The following TAFA2 variants were observed in gnomAD, a reference collection of about 807,000 sequenced individuals.
TAFA2 encodes the protein TAFA chemokine like family member 2.
A neutral mutation model predicts 18.8 loss-of-function variants in TAFA2; 7 were observed. That is an observed-to-expected ratio of 0.37 (90% CI 0.21 to 0.70). TAFA2 has a LOEUF of 0.70. Ranked by LOEUF, TAFA2 falls within the 30% of genes least tolerant of loss-of-function variation. The probability of loss-of-function intolerance (pLI) is 0.53; values close to 1 mark genes in which losing one functional copy is unlikely to be tolerated. For missense variants in TAFA2, 122 were observed against 158.1 expected (o/e 0.77, Z 1.23); for synonymous variants, 60 against 54.2 (o/e 1.11, Z -0.47).
intron 1 of TAFA2, among the ~76,000 whole-genome samples, chr12:61,913,140 T>C (rs1476360263): frequency 6.6e-6 from 1 of 152,198 alleles, no homozygotes; most frequent in African/African-American, 2.4e-5. Flanking sequence ...TTTGAGGCTA[T>C]AGGTTTTCAA....
At chr12:61,788,054 A>C (rs1870811076) in intron 2 of TAFA2, among the ~76,000 whole-genome samples, 2 of 151,724 alleles carry the variant, frequency 1.3e-5, no homozygotes. Flanking sequence ...GAGTAACTAT[A>C]GTTGCAGCAG....
intron 1 of TAFA2, among the ~76,000 whole-genome samples, chr12:62,221,530 T>C (rs1307031022): frequency 6.6e-6 from 1 of 152,104 alleles, no homozygotes; most frequent in Admixed American, 6.5e-5. Flanking sequence ...TGACTCAGGA[T>C]AGATAACTCA....
At chr12:62,143,625 C>G (rs55812402) in intron 1 of TAFA2, among the ~76,000 whole-genome samples, 1 of 152,148 alleles carries the variant, frequency 6.6e-6, no homozygotes, top group African/African-American at 2.4e-5. Context: ...ACAACCTGAG[C>G]AGCTTTCAGC....
intron 1 of TAFA2, among the ~76,000 whole-genome samples, chr12:62,108,243 T>G (rs1869553098): frequency 6.6e-6 from 1 of 152,000 alleles, no homozygotes; most frequent in African/African-American, 2.4e-5. Flanking sequence ...CGATGTTTGG[T>G]TTTCTGTTCC....
chr12:61,990,818 T>C (rs1879984133), intron 1 of TAFA2, among the ~76,000 whole-genome samples: 1 of 152,134 alleles, frequency 6.6e-6, no homozygotes, highest in Admixed American at 6.5e-5. Flanking sequence ...GATCACCACG[T>C]GGAGGAGTGT....
At chr12:61,827,228 A>G (rs954357987) in intron 2 of TAFA2, 7 of 151,872 alleles carry the variant, frequency 4.6e-5, no homozygotes, top group African/African-American at 1.7e-4. Context: ...TTGAGCAACA[A>G]GAGAGAATTC....
chr12:61,759,681 C>G (rs1374633401), intron 2 of TAFA2, among the ~76,000 whole-genome samples: 1 of 152,040 alleles, frequency 6.6e-6, no homozygotes, highest in Non-Finnish European at 1.5e-5. Context: ...GGAGGGTACA[C>G]TTTCCAAATG....
At chr12:61,798,987 A>T (rs1871297533) in intron 2 of TAFA2, among the ~76,000 whole-genome samples, 2 of 152,234 alleles carry the variant, frequency 1.3e-5, no homozygotes, top group African/African-American at 4.8e-5. Flanking sequence ...GAAGCAGCAC[A>T]TCTTAGAATA....
rs536655546 is a variant in TAFA2, at chr12:61,965,087, T to A, written c.-1-97661A>T. On this transcript the variant is annotated intron_variant, in intron 1 of 4. Coordinates refer to ENST00000416284, the MANE Select transcript of TAFA2 (RefSeq NM_178539.5). ...CCCCCAAATCCAAAAGGTTAGCTTC[T>A]ATGAAATGTATGTTTGTGACTCCTT... Among the ~76,000 whole-genome samples the A allele has an allele frequency of 3.3e-5, 5 of 152,032 alleles. No homozygotes were observed. In the South Asian group the frequency reaches 1.0e-3, roughly 32 times the overall value.
At chr12:62,062,991 G>A (rs1882391717) in intron 1 of TAFA2, among the ~76,000 whole-genome samples, 1 of 151,994 alleles carries the variant, frequency 6.6e-6, no homozygotes, top group South Asian at 2.1e-4. Flanking sequence ...CCCAACCAGG[G>A]AAAGGTTCAC....
chr12:61,998,396 C>G (rs762696551), intron 1 of TAFA2, among the ~76,000 whole-genome samples: 1 of 152,044 alleles, frequency 6.6e-6, no homozygotes, highest in South Asian at 2.1e-4. Context: ...AAAAAGATAG[C>G]GCTCTCATGA....
chr12:61,813,514 G>T (rs1871957353), intron 2 of TAFA2, among the ~76,000 whole-genome samples: 1 of 150,700 alleles, frequency 6.6e-6, no homozygotes, highest in East Asian at 1.9e-4. Context: ...CTCTCTTTTA[G>T]GATTTTTTCC....
intron 2 of TAFA2, among the ~76,000 whole-genome samples, chr12:61,804,208 T>C (rs1047017463): frequency 6.6e-6 from 1 of 151,996 alleles, no homozygotes; most frequent in Non-Finnish European, 1.5e-5. Flanking sequence ...ACTTCAAGGC[T>C]CATATTTCTC....
rs531096853 is a variant in TAFA2, at chr12:61,864,014, A to G, written c.106+3306T>C. 1.9e-3 allele frequency among the ~76,000 whole-genome samples: 287 copies of G among 152,212 alleles called. 3 individuals are homozygous for G. The highest frequency in any genetic ancestry group is 6.0e-3 in the African/African-American group (249 of 41,526). ...GAGACTCTATTTGTGCTTAGTTTTT[A>G]TCTCCTGCTCTAGCCTGCTTCACTT... On this transcript the variant is annotated intron_variant, in intron 2 of 4. Transcript: ENST00000416284.
chr12:62,140,483 A>C (rs2062232181), intron 1 of TAFA2: 2 of 152,230 alleles, frequency 1.3e-5, no homozygotes, highest in South Asian at 2.1e-4. Flanking sequence ...AGCTCTGATG[A>C]ACAGTACTCA....
At chr12:62,106,433 T>C (rs979035917) in intron 1 of TAFA2, among the ~76,000 whole-genome samples, 6 of 149,254 alleles carry the variant, frequency 4.0e-5, no homozygotes, top group Non-Finnish European at 6.0e-5. Context: ...CTAAGGAGAG[T>C]CCTAAATTCA....
chr12:62,163,867 T>C (rs966567439), intron 1 of TAFA2, among the ~76,000 whole-genome samples: 3 of 152,252 alleles, frequency 2.0e-5, no homozygotes, highest in Middle Eastern at 3.4e-3. Context: ...ACGTGTAGTA[T>C]TTCTTTTGAA....
chr12:62,144,734 C>A (rs2062268630), intron 1 of TAFA2, among the ~76,000 whole-genome samples: 1 of 152,190 alleles, frequency 6.6e-6, no homozygotes, highest in African/African-American at 2.4e-5. Flanking sequence ...TAGAACCCAA[C>A]CTATGTCCTA....
intron 1 of TAFA2, among the ~76,000 whole-genome samples, chr12:62,092,233 T>C (rs1290978692): frequency 6.6e-6 from 1 of 151,912 alleles, no homozygotes; most frequent in Non-Finnish European, 1.5e-5. Flanking sequence ...TAAACCACTA[T>C]ATAAAAACAT....
Sources: gnomAD v4.1 joint callset for allele counts (sites outside exome capture counted in the v4.1 genomes callset) on GRCh38, gnomAD v4.1.1 for gene constraint, MANE v1.5 for transcripts, NCBI Gene and HGNC (gene_info 2026-07-23, HGNC 2026-07-21) for gene names.